PCDH11X: variants seen among roughly 807,000 people sequenced by gnomAD.
PCDH11X encodes protocadherin-11 X-linked.
PCDH11X carries 18 observed loss-of-function variants against 53.3 expected under a neutral mutation model. The observed-to-expected ratio is 0.34, with a 90% CI of 0.23 to 0.50. The LOEUF is 0.50. Ranked by LOEUF, PCDH11X falls within the 20% of genes least tolerant of loss-of-function variation. The pLI is 0.98. For missense variants in PCDH11X, 570 were observed against 1,032.4 expected, an observed-to-expected ratio of 0.55 and a Z score of 6.14; for synonymous variants, 279 against 393.3, an observed-to-expected ratio of 0.71 and a Z score of 3.44.
intron 6 of PCDH11X, among the ~76,000 whole-genome samples, chrX:92,032,026 T>C (rs7060665): frequency 0.36 from 39,455 of 110,848 alleles, 7,058 homozygotes; most frequent in African/African-American, 0.66. Flanking sequence ...TGAAGAATGT[T>C]ATTGGTATTC....
intron 6 of PCDH11X, among the ~76,000 whole-genome samples, chrX:92,023,172 C>T (rs1486301678): frequency 9.2e-6 from 1 of 108,218 alleles, no homozygotes; most frequent in East Asian, 2.9e-4. Flanking sequence ...AAGATCAGAG[C>T]AGAACTGAAG....
At chrX:91,895,881 G>A (rs1159382251) in intron 6 of PCDH11X, among the ~76,000 whole-genome samples, 1 of 103,783 alleles carries the variant, frequency 9.6e-6, no homozygotes, top group East Asian at 3.0e-4. Flanking sequence ...ATATACATAT[G>A]TTATGTATTA....
chrX:92,218,707 A>G (rs1235337116), intron 7 of PCDH11X, among the ~76,000 whole-genome samples: 1 of 111,714 alleles, frequency 9.0e-6, no homozygotes, highest in Non-Finnish European at 1.9e-5. Flanking sequence ...TGAGGCCAGC[A>G]TCATCCTGAT....
intron 10 of PCDH11X, among the ~76,000 whole-genome samples, chrX:92,617,063 T>G: frequency 9.0e-6 from 1 of 111,724 alleles, no homozygotes; most frequent in Non-Finnish European, 1.9e-5. Context: ...TGTCTAGAAC[T>G]TACAATATTA....
chrX:92,302,356 G>A (rs1238170622), intron 8 of PCDH11X, among the ~76,000 whole-genome samples: 1 of 110,292 alleles, frequency 9.1e-6, no homozygotes, highest in Non-Finnish European at 1.9e-5. Flanking sequence ...ACAGACTCTC[G>A]CTCTTTTTGT....
chrX:92,326,104 T>A (rs1040739537), intron 8 of PCDH11X, among the ~76,000 whole-genome samples: 2 of 111,202 alleles, frequency 1.8e-5, no homozygotes, highest in African/African-American at 6.5e-5. Flanking sequence ...TATCTGTGGG[T>A]CAAGAATTCA....
At chrX:91,953,079 G>A (rs915585783) in intron 6 of PCDH11X, among the ~76,000 whole-genome samples, 1 of 110,219 alleles carries the variant, frequency 9.1e-6, no homozygotes, top group African/African-American at 3.3e-5. Flanking sequence ...AGGGAGGTGG[G>A]GGTGGTTAAT....
At chrX:92,215,974 A>G (rs2066700435) in intron 7 of PCDH11X, among the ~76,000 whole-genome samples, 1 of 111,252 alleles carries the variant, frequency 9.0e-6, no homozygotes, top group African/African-American at 3.3e-5. Context: ...GCAAACTCCA[A>G]CAGACCTGAA....
chrX:92,399,908 ATTT>A (rs397961081), intron 9 of PCDH11X, among the ~76,000 whole-genome samples: 2 of 91,426 alleles, frequency 2.2e-5, no homozygotes, highest in Non-Finnish European at 4.3e-5. Flanking sequence ...CGCCCGGCTA[ATTT>A]TTTTTTTTTT....
intron 5 of PCDH11X, among the ~76,000 whole-genome samples, chrX:91,864,373 C>T (rs1226550942): frequency 1.1e-5 from 1 of 94,167 alleles, no homozygotes; most frequent in Non-Finnish European, 2.0e-5. Context: ...TATTGGAGCT[C>T]CATTGTGTGT....
intron 6 of PCDH11X, among the ~76,000 whole-genome samples, chrX:92,088,584 C>T (rs2063997431): frequency 9.0e-6 from 1 of 111,386 alleles, no homozygotes; most frequent in Non-Finnish European, 1.9e-5. Context: ...AAAAACACTT[C>T]TGATTTATCA....
intron 10 of PCDH11X, among the ~76,000 whole-genome samples, chrX:92,486,147 GGTGA>G (rs1569494844): frequency 9.1e-6 from 1 of 110,437 alleles, no homozygotes; most frequent in East Asian, 2.8e-4. Flanking sequence ...GGACGGTGGA[GGTGA>G]GTGAGATTCA....
intron 8 of PCDH11X, among the ~76,000 whole-genome samples, chrX:92,343,770 C>G (rs913457355): frequency 2.7e-5 from 3 of 111,025 alleles, no homozygotes; most frequent in African/African-American, 9.8e-5. Context: ...TAATACCCAC[C>G]TCAATAGCAT....
chrX:92,563,874 A>G, intron 10 of PCDH11X, among the ~76,000 whole-genome samples: 1 of 111,204 alleles, frequency 9.0e-6, no homozygotes, highest in Admixed American at 9.6e-5. Flanking sequence ...CCAATAAAAA[A>G]TAATGATGAA....
At chrX:92,615,171 G>T (rs1235526317) in intron 10 of PCDH11X, among the ~76,000 whole-genome samples, 2 of 111,109 alleles carry the variant, frequency 1.8e-5, no homozygotes, top group African/African-American at 3.3e-5. Context: ...CAGAAATAGG[G>T]GCAGGTAAAG....
At chrX:92,176,359 G>A (rs1191770848) in intron 6 of PCDH11X, among the ~76,000 whole-genome samples, 2 of 111,795 alleles carry the variant, frequency 1.8e-5, no homozygotes, top group South Asian at 3.7e-4. Flanking sequence ...TTCAGGCAAC[G>A]TGCTGAGTTG....
At chrX:91,995,962 G>T (rs1285209457) in intron 6 of PCDH11X, among the ~76,000 whole-genome samples, 1 of 101,967 alleles carries the variant, frequency 9.8e-6, no homozygotes, top group Non-Finnish European at 2.0e-5. Context: ...CCATTCTCCT[G>T]CCTCAGCCTC....
At chrX:92,196,645 T>G (rs1320923909) in intron 6 of PCDH11X, among the ~76,000 whole-genome samples, 3 of 111,797 alleles carry the variant, frequency 2.7e-5, no homozygotes, top group Non-Finnish European at 5.6e-5. Context: ...TCTAAGTAAC[T>G]GGAATTTATT....
intron 8 of PCDH11X, among the ~76,000 whole-genome samples, chrX:92,288,633 C>G (rs1030863124): frequency 9.0e-6 from 1 of 111,119 alleles, no homozygotes; most frequent in African/African-American, 3.3e-5. Context: ...CATTTCTTTG[C>G]ACATGCCTTG....
Sources: gnomAD v4.1 joint callset for allele counts (sites outside exome capture counted in the v4.1 genomes callset) on GRCh38, gnomAD v4.1.1 for gene constraint, MANE v1.5 for transcripts, NCBI Gene and HGNC (gene_info 2026-07-23, HGNC 2026-07-21) for gene names.